Variants in RIPK4 observed in about 807,000 individuals in gnomAD.
The protein encoded by RIPK4 is receptor-interacting serine/threonine-protein kinase 4.
RIPK4 carries 17 observed loss-of-function variants against 42.9 expected under a neutral mutation model. That is an observed-to-expected ratio of 0.40 (90% confidence interval 0.27 to 0.59). The LOEUF (loss-of-function observed/expected upper bound fraction) is 0.59. Among genes scored for constraint, RIPK4 ranks in the 20% least tolerant of loss-of-function variants. The pLI is 0.47. For missense variants in RIPK4, 897 were observed against 1,104.4 expected (o/e 0.81, Z 2.66); for synonymous variants, 498 against 499.1 (o/e 1.00, Z 0.03).
In RIPK4 at chr21:41,751,284, A is replaced by C. The variant is rs749825815; in HGVS notation, c.475-39T>G. The C allele has an allele frequency of 2.2e-5, 36 of 1,607,996 alleles. No homozygotes were observed. In the Admixed American group the frequency reaches 6.1e-4, roughly 27 times the overall value. On this transcript the variant is annotated intron_variant, in intron 2 of 7. Transcript: ENST00000332512. The surrounding 1 kb of genome is among the most constrained non-coding windows in gnomAD (Gnocchi z 4.5). ...ATCAGAGCGGGGCTCATTAGCCTGCAACAGTGATATTTTATGATGCTTTAT... is the reference window on the plus strand; with the variant it reads ...ATCAGAGCGGGGCTCATTAGCCTGCCACAGTGATATTTTATGATGCTTTAT...
intron 1 of RIPK4, among the ~76,000 whole-genome samples, chr21:41,765,231 C>T (rs1414236696): frequency 6.6e-6 from 1 of 152,180 alleles, no homozygotes; most frequent in Admixed American, 6.5e-5. Context: ...AAAACGAATG[C>T]CCCTATGGAG....
Position 41,740,688 on chromosome 21 carries a change from A to G in RIPK4, c.*150T>C. ...TGGAGGGGACACTCCGGTCAGCAGC[A>G]GCCGCCTCCTGATGGCACCATGTCA... On this transcript the variant is annotated 3_prime_UTR_variant, in exon 8 of 8. Coordinates refer to ENST00000332512, the MANE Select transcript of RIPK4 (RefSeq NM_020639.3). 1 of 773,394 alleles carries G rather than the reference A, an allele frequency of 1.3e-6. No homozygotes were observed. Among genetic ancestry groups the G allele is most frequent in the Non-Finnish European group, 2.0e-6 (1 of 498,110 alleles). 47.9% of individuals were successfully genotyped at this position (773,394 alleles called of 1,614,324 possible). A position where few individuals can be genotyped will look rare whatever the true frequency, so the allele number is the denominator to read the frequency against.
intron 1 of RIPK4, among the ~76,000 whole-genome samples, chr21:41,757,061 G>A (rs939994034): frequency 6.6e-6 from 1 of 152,140 alleles, no homozygotes; most frequent in Non-Finnish European, 1.5e-5. Flanking sequence ...AATTCTAATC[G>A]TTTTACAGGT....
At chr21:41,766,284 C>T (rs1296162781) in intron 1 of RIPK4, among the ~76,000 whole-genome samples, 2 of 152,252 alleles carry the variant, frequency 1.3e-5, no homozygotes, top group Non-Finnish European at 2.9e-5. Flanking sequence ...TCGCCCGAGC[C>T]AAGCCGAAGC....
chr21:41,741,494 C>T lies in RIPK4; in HGVS notation c.1699G>A (p.Gly567Ser), dbSNP rs1421317849. The stretch of plus-strand genomic sequence containing the variant: ...TGCAGTGGCAGCCAGGCATCCTTGC[C>T]CTGCAGGCTCACGTCCACGCCTCGG... The part of the protein sequence containing the change: ...LRRGVDVSLQ[G>S]KDAWLPLHYA... The change falls in exon 8 of 8, where the codon GGC becomes AGC. Residue 567 changes from glycine to serine, a missense_variant. Coordinates refer to ENST00000332512, the MANE Select transcript of RIPK4 (RefSeq NM_020639.3). The T allele has an allele frequency of 6.2e-7, 1 of 1,612,616 alleles. No individual in the cohort carries two copies. Among genetic ancestry groups the T allele is most frequent in the South Asian group, 1.1e-5 (1 of 91,064 alleles).
At position 41,741,591 on chromosome 21, in the gene RIPK4, G is replaced by C; in HGVS notation, c.1602C>G (p.Asp534Glu). 1 of 1,612,076 alleles carries C rather than the reference G, an allele frequency of 6.2e-7. No individual in the cohort carries two copies. The highest frequency in any genetic ancestry group is 8.5e-7 in the Non-Finnish European group (1 of 1,180,032). ...LEKNASVNEV[D>E]FEGRTPMHVA... The stretch of plus-strand genomic sequence containing the variant: ...CGTGCATGGGCGTCCGGCCCTCAAA[G>C]TCCACCTCGTTGACCGAGGCGTTCT... Residue 534 changes from aspartate to glutamate, a missense_variant, in exon 8 of 8, where the codon GAC (aspartate) becomes GAG (glutamate). Transcript: ENST00000332512.
intron 2 of RIPK4, among the ~76,000 whole-genome samples, 157 bp downstream of exon 2, chr21:41,756,368 T>C (rs1459235929): frequency 6.6e-6 from 1 of 152,208 alleles, no homozygotes; most frequent in East Asian, 1.9e-4. Context: ...GGAGTCCTCA[T>C]GCTGCAAAAG....
At chr21:41,744,996 G>C (rs2061166318) in intron 6 of RIPK4, among the ~76,000 whole-genome samples, 1 of 152,142 alleles carries the variant, frequency 6.6e-6, no homozygotes, top group Admixed American at 6.5e-5. Flanking sequence ...TTGTGGGACG[G>C]CTCGAGGTCC....
rs1274218359 is a variant in RIPK4 at position 41,741,454 on chromosome 21, T to C, written c.1739A>G (p.Gln580Arg). 5.0e-6 allele frequency: 8 copies of C among 1,612,876 alleles called. No homozygotes were observed. Among genetic ancestry groups the C allele is most frequent in the Non-Finnish European group, 6.8e-6 (8 of 1,179,956 alleles). ...AWLPLHYAAW[Q>R]GHLPIVKLLA... Reference sequence around the variant, plus strand: ...CAGCTTGACGATGGGCAGGTGGCCCTGCCAGGCAGCGTAGTGCAGTGGCAG... The same window carrying C: ...CAGCTTGACGATGGGCAGGTGGCCCCGCCAGGCAGCGTAGTGCAGTGGCAG... Residue 580 changes from glutamine (Q) to arginine (R), a missense_variant, in exon 8 of 8, where the codon CAG (glutamine) becomes CGG (arginine). Transcript: ENST00000332512.
Position 41,743,903 on chromosome 21 carries a change from CA to C in RIPK4, c.1173del (p.Phe391LeufsTer32). The C allele has an allele frequency of 6.2e-7, 1 of 1,608,076 alleles. No individual in the cohort carries two copies. The highest frequency in any genetic ancestry group is 8.5e-7 in the Non-Finnish European group (1 of 1,176,970). Reference sequence around the variant, plus strand: ...TCACCGCTGGTTGAAGGTTCCCGCTCAAAGGACAGCGACAGTGATCCTCTGG... The same window carrying C: ...TCACCGCTGGTTGAAGGTTCCCGCTCAAGGACAGCGACAGTGATCCTCTGG... The part of the protein sequence containing the change: ...FSSRGSLSLS[F>X]EREPSTSDLG... On this transcript the variant is annotated frameshift_variant, in exon 7 of 8. Transcript: ENST00000332512. LOFTEE classifies it low-confidence loss of function (END_TRUNC).
chr21:41,740,354 A>C lies in RIPK4; in HGVS notation c.*484T>G, dbSNP rs956406366. ...TCAAGCAACAGCTGATAAGGTATTC[A>C]TCTCTTAAGATATTTTATAAAACAA... On this transcript the variant is annotated 3_prime_UTR_variant, in exon 8 of 8. Transcript: ENST00000332512. The C allele has an allele frequency of 6.4e-6, 1 of 156,616 alleles. No individual in the cohort carries two copies. Among genetic ancestry groups the C allele is most frequent in the Non-Finnish European group, 1.4e-5 (1 of 71,330 alleles). The allele number at this position is 156,616 out of a possible 1,614,324, so 9.7% of individuals were successfully genotyped here.
rs1409187837 is a variant in RIPK4, at chr21:41,742,020, G to T, written c.1196-23C>A. On this transcript the variant is annotated intron_variant, in intron 7 of 7. Coordinates refer to ENST00000332512, the MANE Select transcript of RIPK4 (RefSeq NM_020639.3). The surrounding 1 kb of genome is among the most constrained non-coding windows in gnomAD (Gnocchi z 5.1). ...GATCTGCAGGGAGAGGAGAGGCAAA[G>T]GTCAGAGCGTGGCTGCACATCCAGG... The T allele has an allele frequency of 6.4e-7, 1 of 1,556,796 alleles. No homozygotes were observed. The highest frequency in any genetic ancestry group is 1.2e-5 in the South Asian group (1 of 81,382).
chr21:41,764,962 G>A (rs2146063507), intron 1 of RIPK4, among the ~76,000 whole-genome samples: 1 of 152,316 alleles, frequency 6.6e-6, no homozygotes, highest in South Asian at 2.1e-4. Context: ...GGGTAGGAAA[G>A]GCTTCCAGTT....
At chr21:41,764,081 C>A (rs941975019) in intron 1 of RIPK4, among the ~76,000 whole-genome samples, 10 of 152,168 alleles carry the variant, frequency 6.6e-5, no homozygotes, top group Non-Finnish European at 1.5e-5. Flanking sequence ...AATGGGGTGT[C>A]ACCTGTGAAC....
chr21:41,765,298 T>G (rs1033656704), intron 1 of RIPK4, among the ~76,000 whole-genome samples: 1 of 152,176 alleles, frequency 6.6e-6, no homozygotes, highest in African/African-American at 2.4e-5. Context: ...TTGGATTTCA[T>G]CAAAATAACC....
intron 6 of RIPK4, among the ~76,000 whole-genome samples, chr21:41,745,221 C>T (rs750164798): frequency 2.6e-5 from 4 of 152,170 alleles, no homozygotes; most frequent in Non-Finnish European, 4.4e-5. Flanking sequence ...TGGGATTAAT[C>T]GCCCAACACC....
At position 41,756,800 on chromosome 21, in the gene RIPK4, A is replaced by G. The variant is rs776791544; in HGVS notation, c.199T>C (p.Leu67=). 3 of 1,613,424 alleles carry G rather than the reference A, an allele frequency of 1.9e-6. No individual in the cohort carries two copies. The highest frequency in any genetic ancestry group is 2.5e-6 in the Non-Finnish European group (3 of 1,179,432). Residue 67 remains leucine, a synonymous_variant, in exon 2 of 8, where the codon TTG becomes CTG. Transcript: ENST00000332512. ...HVDDRERMEL[L]EEAKKMEMAK... is the part of the protein sequence containing the mutation. ...ATCTCCATCTTCTTGGCTTCTTCCA[A>G]AAGCTCCATGCGCTCCCTGAAAAAG...
chr21:41,745,076 G>A lies in RIPK4; in HGVS notation c.936+683C>T, dbSNP rs549525433. Among the ~76,000 whole-genome samples, 207 of 152,218 alleles carry A rather than the reference G, an allele frequency of 1.4e-3. 1 individual carries two copies. The Middle Eastern group carries it at 0.014, about 10-fold the overall frequency. ...CCTTCTTTCCCTTATCAGGGCCCAGGTCTGCCTCTGTACTAGCAACCCCCG... is the reference window on the plus strand; with the variant it reads ...CCTTCTTTCCCTTATCAGGGCCCAGATCTGCCTCTGTACTAGCAACCCCCG... On this transcript the variant is annotated intron_variant, in intron 6 of 7. Transcript: ENST00000332512.
At chr21:41,746,999 G>C (rs2061174051) in intron 4 of RIPK4, among the ~76,000 whole-genome samples, 1 of 152,204 alleles carries the variant, frequency 6.6e-6, no homozygotes, top group African/African-American at 2.4e-5. Flanking sequence ...CTCTTTCCCT[G>C]GGTTCTGATC....
Sources: allele counts gnomAD v4.1 joint callset (sites outside exome capture counted in the v4.1 genomes callset), GRCh38; gene constraint gnomAD v4.1.1; non-coding constraint Gnocchi (gnomAD v3.1); transcripts MANE v1.5; gene names NCBI Gene and HGNC (gene_info 2026-07-23, HGNC 2026-07-21).